The following TENM1 variants were observed in gnomAD, a reference collection of about 807,000 sequenced individuals.
The protein encoded by TENM1 is teneurin-1.
A neutral mutation model predicts 174.8 loss-of-function variants in TENM1; 35 were observed. The ratio of observed to expected loss-of-function variants is 0.20; its 90% CI spans 0.15 to 0.27. The LOEUF is 0.27. TENM1 is among the 10% of genes least tolerant of loss of function. The pLI, the probability that TENM1 is intolerant of heterozygous loss-of-function variation, is 1.00. For synonymous variants in TENM1, 781 were observed against 798.7 expected, an observed-to-expected ratio of 0.98 and a Z score of 0.37; for missense variants, 1,633 against 2,130.1, an observed-to-expected ratio of 0.77 and a Z score of 4.59.
At chrX:125,059,196 T>C in the TENM1 span, among the ~76,000 whole-genome samples, 1 of 111,215 alleles carries the variant, frequency 9.0e-6, no homozygotes, top group Non-Finnish European at 1.9e-5. Context: ...AGGACCTGAA[T>C]AACACCCCAT....
intron 1 of TENM1, among the ~76,000 whole-genome samples, chrX:124,901,552 G>A (rs992233195): frequency 5.4e-5 from 6 of 111,260 alleles, no homozygotes; most frequent in African/African-American, 1.6e-4. Flanking sequence ...TTGGCTCACT[G>A]CAGCCTCGAC....
At chrX:124,395,431 A>T (rs1254397498) in intron 27 of TENM1, among the ~76,000 whole-genome samples, 1 of 110,808 alleles carries the variant, frequency 9.0e-6, no homozygotes, top group Non-Finnish European at 1.9e-5. Flanking sequence ...GAAAAAAAAA[A>T]AAAGAAGACC....
intron 25 of TENM1, among the ~76,000 whole-genome samples, chrX:124,411,337 A>G (rs759750536): frequency 1.4e-4 from 15 of 108,258 alleles, no homozygotes; most frequent in Non-Finnish European, 2.3e-4. Context: ...GTGTGTGTGT[A>G]TGTGTGTGTG....
chrX:124,923,676 G>A (rs1016394239), intron 1 of TENM1, among the ~76,000 whole-genome samples: 2 of 111,905 alleles, frequency 1.8e-5, no homozygotes, highest in Non-Finnish European at 3.8e-5. Flanking sequence ...TATACCCAAC[G>A]TACTCACAAG....
intron 6 of TENM1, among the ~76,000 whole-genome samples, chrX:124,658,229 T>C (rs189457304): frequency 8.9e-6 from 1 of 111,809 alleles, no homozygotes; most frequent in East Asian, 2.8e-4. Flanking sequence ...AAGAGAAATA[T>C]GTATTCAACT....
intron 3 of TENM1, among the ~76,000 whole-genome samples, chrX:124,795,133 G>A (rs1243451187): frequency 1.8e-5 from 2 of 111,971 alleles, no homozygotes; most frequent in Admixed American, 1.9e-4. Context: ...ATATAGGGCA[G>A]CATTGTTCAA....
intron 11 of TENM1, among the ~76,000 whole-genome samples, chrX:124,604,162 T>C (rs941547658): frequency 3.6e-5 from 4 of 111,301 alleles, no homozygotes; most frequent in African/African-American, 6.5e-5. Flanking sequence ...ATCTCAAAAT[T>C]AGTAGTTGCT....
chrX:124,693,205 G>T (rs1302367629), intron 5 of TENM1, among the ~76,000 whole-genome samples: 1 of 110,451 alleles, frequency 9.1e-6, no homozygotes, highest in Non-Finnish European at 1.9e-5. Context: ...ATGACTAGGA[G>T]TTGATAGTTT....
At chrX:125,134,819 T>A in the TENM1 span, among the ~76,000 whole-genome samples, 1 of 111,909 alleles carries the variant, frequency 8.9e-6, no homozygotes, top group Non-Finnish European at 1.9e-5. Flanking sequence ...TAGAAACAAA[T>A]TAAGTCCCTT....
intron 3 of TENM1, among the ~76,000 whole-genome samples, chrX:124,762,734 A>C (rs903235093): frequency 3.6e-5 from 4 of 111,857 alleles, no homozygotes; most frequent in African/African-American, 1.3e-4. Flanking sequence ...TGGTACAATA[A>C]ATACTTACCT....
intron 1 of TENM1, among the ~76,000 whole-genome samples, chrX:124,957,962 C>T (rs574042933): frequency 9.0e-6 from 1 of 111,673 alleles, no homozygotes; most frequent in African/African-American, 3.3e-5. Flanking sequence ...TATATATCTC[C>T]ATGCATTTAT....
At chrX:124,708,668 T>C (rs183369309) in intron 4 of TENM1, among the ~76,000 whole-genome samples, 116 of 111,090 alleles carry the variant, frequency 1.0e-3, no homozygotes, top group Non-Finnish European at 1.8e-3. Flanking sequence ...TTTACAGATA[T>C]TACCAAGCAA....
chrX:125,048,215 G>A, the TENM1 span, among the ~76,000 whole-genome samples: 2 of 106,734 alleles, frequency 1.9e-5, no homozygotes, highest in African/African-American at 6.8e-5. Flanking sequence ...GCCTTTAGGA[G>A]TCCGTTTAAA....
At chrX:124,628,228 G>A (rs1384236427) in intron 11 of TENM1, among the ~76,000 whole-genome samples, 1 of 110,887 alleles carries the variant, frequency 9.0e-6, no homozygotes, top group Non-Finnish European at 1.9e-5. Flanking sequence ...CATACTGCAA[G>A]TTAACTTGTT....
intron 1 of TENM1, among the ~76,000 whole-genome samples, chrX:124,903,156 C>A (rs1469348279): frequency 9.0e-6 from 1 of 111,425 alleles, no homozygotes; most frequent in Admixed American, 9.6e-5. Context: ...CACCCATTAT[C>A]TCGGCACTCA....
chrX:124,593,466 C>T (rs946280599), intron 11 of TENM1, among the ~76,000 whole-genome samples: 6 of 111,281 alleles, frequency 5.4e-5, no homozygotes, highest in African/African-American at 1.6e-4. Flanking sequence ...AGGGGCCCTG[C>T]GGCACCTCAA....
the TENM1 span, among the ~76,000 whole-genome samples, chrX:125,057,379 T>C: frequency 1.2e-5 from 1 of 83,328 alleles, no homozygotes; most frequent in Non-Finnish European, 2.1e-5. Flanking sequence ...CACACACACA[T>C]TACTGTATGT....
chrX:124,970,391 C>T, the TENM1 span, among the ~76,000 whole-genome samples: 1 of 111,786 alleles, frequency 8.9e-6, no homozygotes, highest in African/African-American at 3.3e-5. Flanking sequence ...CCACACAGTG[C>T]CTGAGGAATA....
the TENM1 span, among the ~76,000 whole-genome samples, chrX:125,173,680 C>T: frequency 2.3e-3 from 250 of 110,998 alleles, 2 homozygotes; most frequent in African/African-American, 7.9e-3. Context: ...CTGAGTCTGA[C>T]AAAAATATAT....
Sources: allele counts gnomAD v4.1 joint callset (sites outside exome capture counted in the v4.1 genomes callset), GRCh38; gene constraint gnomAD v4.1.1; transcripts MANE v1.5; gene names NCBI Gene and HGNC (gene_info 2026-07-23, HGNC 2026-07-21).